Variants in GLIS1 observed in about 807,000 individuals in gnomAD.
GLIS1 encodes the protein GLIS family zinc finger 1.
A neutral mutation model predicts 63.8 loss-of-function variants in GLIS1; 24 were observed. The ratio of observed to expected loss-of-function variants is 0.38; its 90% CI spans 0.27 to 0.53. The LOEUF (loss-of-function observed/expected upper bound fraction) is 0.53. GLIS1 is among the 20% of genes least tolerant of loss of function. The probability of loss-of-function intolerance (pLI) is 0.85; values close to 1 mark genes in which losing one functional copy is unlikely to be tolerated. For synonymous variants in GLIS1, 450 were observed against 482.5 expected, an observed-to-expected ratio of 0.93 and a Z score of 0.88; for missense variants, 1,036 against 1,074.1, an observed-to-expected ratio of 0.96 and a Z score of 0.50.
chr1:53,654,609 T>C (rs2100339211), intron 2 of GLIS1, among the ~76,000 whole-genome samples: 1 of 152,184 alleles, frequency 6.6e-6, no homozygotes, highest in South Asian at 2.1e-4. Context: ...GAACGGGGAC[T>C]GGGAAGAAGC....
At chr1:53,508,086 C>T (rs1183576619) in intron 10 of GLIS1, among the ~76,000 whole-genome samples, 1 of 152,198 alleles carries the variant, frequency 6.6e-6, no homozygotes, top group Non-Finnish European at 1.5e-5. Flanking sequence ...TGGAAACAGC[C>T]ATGAGTCGTG....
chr1:53,715,175 C>A (rs904207877), intron 2 of GLIS1, among the ~76,000 whole-genome samples: 1 of 152,228 alleles, frequency 6.6e-6, no homozygotes, highest in East Asian at 1.9e-4. Flanking sequence ...CTCAGCCCCC[C>A]ACAGTGCTGG....
intron 2 of GLIS1, among the ~76,000 whole-genome samples, chr1:53,732,812 A>T (rs1420065474): frequency 1.3e-5 from 2 of 152,286 alleles, no homozygotes; most frequent in East Asian, 1.9e-4. Context: ...TAAAAAAAAA[A>T]AAATAACAAA....
chr1:53,658,656 T>C (rs905257416), intron 2 of GLIS1, among the ~76,000 whole-genome samples: 2 of 152,206 alleles, frequency 1.3e-5, no homozygotes, highest in South Asian at 4.1e-4. Flanking sequence ...AGGTGGGTCC[T>C]CTGGGCCGAA....
chr1:53,555,969 CAGGTATACTGCAGGTG>C (rs1644817044), intron 4 of GLIS1, among the ~76,000 whole-genome samples: 1 of 98,334 alleles, frequency 1.0e-5, no homozygotes, highest in Non-Finnish European at 2.0e-5. Context: ...TGTGTGTGTG[CAGGTATACTGCAGGTG>C]TGTGTGTGTG....
chr1:53,597,970 A>G (rs543972817), intron 3 of GLIS1, among the ~76,000 whole-genome samples: 1 of 152,324 alleles, frequency 6.6e-6, no homozygotes, highest in East Asian at 1.9e-4. Flanking sequence ...CCTGAGAGAT[A>G]ATAGAATGAA....
chr1:53,720,049 G>A (rs1015734825), intron 2 of GLIS1, among the ~76,000 whole-genome samples: 5 of 152,114 alleles, frequency 3.3e-5, no homozygotes, highest in African/African-American at 4.8e-5. Context: ...GGTGGCATGC[G>A]CCTGTAATCC....
chr1:53,715,781 T>C (rs1405925986), intron 2 of GLIS1, among the ~76,000 whole-genome samples: 3 of 152,020 alleles, frequency 2.0e-5, no homozygotes, highest in Non-Finnish European at 4.4e-5. Flanking sequence ...TGACCAAATC[T>C]GGCCCCATGG....
intron 4 of GLIS1, among the ~76,000 whole-genome samples, chr1:53,577,976 A>C (rs1164603444): frequency 3.3e-5 from 5 of 151,936 alleles, no homozygotes; most frequent in Admixed American, 2.0e-4. Flanking sequence ...TGCCATCCTG[A>C]TCCCCCTACC....
intron 8 of GLIS1, among the ~76,000 whole-genome samples, chr1:53,513,980 C>G (rs1644323548): frequency 6.6e-6 from 1 of 152,294 alleles, no homozygotes; most frequent in African/African-American, 2.4e-5. Context: ...GGCTGGGAGG[C>G]CTCCCTCTGC....
chr1:53,530,717 TCACAGCCACCCACCAACCTCCCTCAGCCC>T (rs1191670680), intron 4 of GLIS1, among the ~76,000 whole-genome samples: 1 of 150,428 alleles, frequency 6.6e-6, no homozygotes, highest in African/African-American at 2.5e-5. Flanking sequence ...GTCCCCTCTT[TCACAGCCACCCACCAACCTCCCTCAGCCC>T]TCACAGCCAC....
chr1:53,635,142 G>T (rs935224997), intron 2 of GLIS1, among the ~76,000 whole-genome samples: 1 of 152,064 alleles, frequency 6.6e-6, no homozygotes, highest in Non-Finnish European at 1.5e-5. Context: ...GGCAAAAATT[G>T]ATGCAGGAAA....
intron 4 of GLIS1, among the ~76,000 whole-genome samples, chr1:53,565,450 G>A (rs1644928985): frequency 1.3e-5 from 2 of 151,886 alleles, no homozygotes; most frequent in African/African-American, 4.8e-5. Context: ...ATTAGTTCTT[G>A]AAAAGACTAG....
chr1:53,639,658 C>A lies in GLIS1; in HGVS notation c.260-39380G>T, dbSNP rs982218874. 6.6e-6 allele frequency among the ~76,000 whole-genome samples: 1 copy of A among 151,478 alleles called. No homozygotes were observed. Among genetic ancestry groups the A allele is most frequent in the African/African-American group, 2.4e-5 (1 of 41,232 alleles). On this transcript the variant is annotated intron_variant, in intron 2 of 10. Coordinates refer to ENST00000628545, the MANE Select transcript of GLIS1 (RefSeq NM_001367484.1). The surrounding 1 kb of genome is among the most constrained non-coding windows in gnomAD (Gnocchi z 4.6). Reference sequence around the variant, plus strand: ...GGAGACAGGGTGGGGCTTTTTTTTTCCAGCCCGCTATCCTGGGCCGACAGC... The same window carrying A: ...GGAGACAGGGTGGGGCTTTTTTTTTACAGCCCGCTATCCTGGGCCGACAGC...
At chr1:53,632,265 G>A (rs914986456) in intron 2 of GLIS1, among the ~76,000 whole-genome samples, 7 of 151,430 alleles carry the variant, frequency 4.6e-5, no homozygotes, top group Non-Finnish European at 8.8e-5. Context: ...GTGACTGAGG[G>A]GCATGTGAAT....
intron 2 of GLIS1, among the ~76,000 whole-genome samples, chr1:53,603,430 C>T (rs1177668061): frequency 1.3e-5 from 2 of 152,242 alleles, no homozygotes; most frequent in East Asian, 3.9e-4. Flanking sequence ...GTCTCAGAGA[C>T]TGGAAGTTAA....
At position 53,664,388 on chromosome 1, in the gene GLIS1, C is replaced by T. The variant is rs144210000; in HGVS notation, c.260-64110G>A. ...CCAGCACCTGCTATATGGCAATGCTCATTAAATATTTATCAAATGGACATA... is the reference window on the plus strand; with the variant it reads ...CCAGCACCTGCTATATGGCAATGCTTATTAAATATTTATCAAATGGACATA... On this transcript the variant is annotated intron_variant, in intron 2 of 10. Coordinates refer to ENST00000628545, the MANE Select transcript of GLIS1 (RefSeq NM_001367484.1). Among the ~76,000 whole-genome samples the T allele has an allele frequency of 4.8e-3, 734 of 152,354 alleles. 5 individuals carry two copies. The highest frequency in any genetic ancestry group is 0.015 in the African/African-American group (619 of 41,574).
intron 2 of GLIS1, among the ~76,000 whole-genome samples, chr1:53,687,155 G>C (rs765649893): frequency 6.6e-6 from 1 of 152,212 alleles, no homozygotes; most frequent in Non-Finnish European, 1.5e-5. Context: ...TGAGGCAAAC[G>C]AGAGAATCAC....
At chr1:53,531,116 G>A (rs1644525530) in intron 4 of GLIS1, among the ~76,000 whole-genome samples, 1 of 152,230 alleles carries the variant, frequency 6.6e-6, no homozygotes, top group South Asian at 2.1e-4. Context: ...CCAAAGGCCA[G>A]GTGGCTCTGC....
Sources: allele counts gnomAD v4.1 joint callset (sites outside exome capture counted in the v4.1 genomes callset), GRCh38; gene constraint gnomAD v4.1.1; non-coding constraint Gnocchi (gnomAD v3.1); transcripts MANE v1.5; gene names NCBI Gene and HGNC (gene_info 2026-07-23, HGNC 2026-07-21).